FRMD3: variants seen among roughly 807,000 people sequenced by gnomAD.
FRMD3 encodes FERM domain containing 3, also known as FERM domain-containing protein 3.
In FRMD3, 33 loss-of-function variants were observed where a neutral mutation model predicts 70.2. That is an observed-to-expected ratio of 0.47 (90% CI 0.36 to 0.63). The LOEUF is 0.63. Among genes scored for constraint, FRMD3 ranks in the 20% least tolerant of loss-of-function variants. FRMD3 has a pLI of 0.00. For synonymous variants in FRMD3, 279 were observed against 255.9 expected, an observed-to-expected ratio of 1.09 and a Z score of -0.86; for missense variants, 632 against 711.4, an observed-to-expected ratio of 0.89 and a Z score of 1.27.
At chr9:83,436,458 A>ATGTGTGTGTGTGTG (rs148417744) in intron 1 of FRMD3, among the ~76,000 whole-genome samples, 4,639 of 144,584 alleles carry the variant, frequency 0.032, 97 homozygotes, top group East Asian at 0.074. Flanking sequence ...AATTAATAAG[A>ATGTGTGTGTGTGTG]TGTGTGTGTG....
chr9:83,573,844 G>A, the FRMD3 span, among the ~76,000 whole-genome samples: 1 of 151,554 alleles, frequency 6.6e-6, no homozygotes, highest in African/African-American at 2.4e-5. Context: ...TGATGAAATA[G>A]TAAAAGCGTC....
intron 5 of FRMD3, among the ~76,000 whole-genome samples, chr9:83,339,756 C>T (rs1213974851): frequency 1.3e-5 from 2 of 152,100 alleles, no homozygotes; most frequent in African/African-American, 4.8e-5. Context: ...ATCCATCTTC[C>T]CACAGGAACT....
the FRMD3 span, among the ~76,000 whole-genome samples, chr9:83,560,403 C>T: frequency 1.1e-4 from 16 of 152,288 alleles, no homozygotes; most frequent in South Asian, 4.2e-4. Context: ...CCCTTTCAGC[C>T]GGGGCCCCAG....
chr9:83,543,173 G>C (rs1205264382), upstream of FRMD3, among the ~76,000 whole-genome samples: 1 of 151,908 alleles, frequency 6.6e-6, no homozygotes, highest in Non-Finnish European at 1.5e-5. Context: ...ACCAAAGTTA[G>C]AGGTGAAAAA....
rs78898603 is a variant in FRMD3, at chr9:83,453,477, C to T, written c.148-63769G>A. Among the ~76,000 whole-genome samples the T allele has an allele frequency of 5.7e-3, 865 of 152,136 alleles. 16 individuals are homozygous for T. Among genetic ancestry groups the T allele is most frequent in the East Asian group, 0.051 (261 of 5,158 alleles). On this transcript the variant is annotated intron_variant, in intron 1 of 13. Coordinates refer to ENST00000304195, the MANE Select transcript of FRMD3 (RefSeq NM_174938.6). The stretch of plus-strand genomic sequence containing the variant: ...ATAGTTTGGATACGGGATATGTTAA[C>T]CTACTTTTTCAACTGTAAATTTTGT...
chr9:83,349,639 T>G, intron 4 of FRMD3, 40 bp downstream of exon 4: 3 of 1,433,078 alleles, frequency 2.1e-6, no homozygotes, highest in Non-Finnish European at 2.9e-6. Context: ...TTCTGGCTGG[T>G]TAAAGGTGCA....
At chr9:83,340,304 G>A (rs1823713551) in intron 5 of FRMD3, among the ~76,000 whole-genome samples, 1 of 152,180 alleles carries the variant, frequency 6.6e-6, no homozygotes, top group Non-Finnish European at 1.5e-5. Flanking sequence ...GAAGAGTGCT[G>A]TGAAAAAGCA....
In FRMD3 at chr9:83,504,061, C is replaced by A. The variant is rs183950749; in HGVS notation, c.147+34024G>T. On this transcript the variant is annotated intron_variant, in intron 1 of 13. Coordinates refer to ENST00000304195, the MANE Select transcript of FRMD3 (RefSeq NM_174938.6). ...AGTTTGGGGTGTGCACTGAGTGCTG[C>A]TGAAGCCAGATGCTACATGGCCTTC... Among the ~76,000 whole-genome samples, 25 of 152,250 alleles carry A rather than the reference C, an allele frequency of 1.6e-4. No homozygotes were observed. The South Asian group carries it at 2.5e-3, about 15-fold the overall frequency.
At chr9:83,273,154 G>T (rs370654579) in intron 13 of FRMD3, among the ~76,000 whole-genome samples, 1 of 148,964 alleles carries the variant, frequency 6.7e-6, no homozygotes, top group African/African-American at 2.5e-5. Context: ...CATTGAGAAC[G>T]GGCCATGATG....
At chr9:83,513,068 T>C (rs1209158872) in intron 1 of FRMD3, among the ~76,000 whole-genome samples, 1 of 152,074 alleles carries the variant, frequency 6.6e-6, no homozygotes, top group Non-Finnish European at 1.5e-5. Flanking sequence ...TAAGGGTGCT[T>C]AGAGAAACAT....
At chr9:83,476,328 G>A (rs960159831) in intron 1 of FRMD3, among the ~76,000 whole-genome samples, 3 of 149,824 alleles carry the variant, frequency 2.0e-5, no homozygotes, top group Non-Finnish European at 4.4e-5. Context: ...AGGTTGCAGT[G>A]AGCCAAGATC....
At chr9:83,536,146 T>A (rs1391828239) in intron 1 of FRMD3, among the ~76,000 whole-genome samples, 1 of 152,130 alleles carries the variant, frequency 6.6e-6, no homozygotes, top group Non-Finnish European at 1.5e-5. Context: ...AAATGAAACA[T>A]CATAATTTTT....
intron 2 of FRMD3, among the ~76,000 whole-genome samples, chr9:83,375,852 G>C (rs1401325249): frequency 6.6e-6 from 1 of 152,026 alleles, no homozygotes; most frequent in African/African-American, 2.4e-5. Context: ...ACCTGCACAT[G>C]TACCCCTAAC....
At chr9:83,530,190 T>A (rs765749528) in intron 1 of FRMD3, among the ~76,000 whole-genome samples, 1 of 152,180 alleles carries the variant, frequency 6.6e-6, no homozygotes, top group Non-Finnish European at 1.5e-5. Context: ...TCAGGAATGT[T>A]CATAGCAACA....
At chr9:83,528,254 T>C (rs1232041082) in intron 1 of FRMD3, among the ~76,000 whole-genome samples, 3 of 152,072 alleles carry the variant, frequency 2.0e-5, no homozygotes, top group Non-Finnish European at 2.9e-5. Flanking sequence ...CACTAGAGCC[T>C]AGCCTTGTCC....
chr9:83,261,955 T>C (rs12336597), intron 13 of FRMD3, among the ~76,000 whole-genome samples: 3,625 of 152,298 alleles, frequency 0.024, 143 homozygotes, highest in African/African-American at 0.082. Context: ...TGGAGAGGAA[T>C]ACCTGAGTTA....
intron 1 of FRMD3, among the ~76,000 whole-genome samples, chr9:83,414,523 A>G (rs1564065903): frequency 6.6e-6 from 1 of 152,222 alleles, no homozygotes; most frequent in Non-Finnish European, 1.5e-5. Context: ...TAAACAAAGA[A>G]TATCATTAAG....
intron 5 of FRMD3, among the ~76,000 whole-genome samples, chr9:83,337,183 A>T (rs1025507314): frequency 1.3e-5 from 2 of 152,124 alleles, no homozygotes; most frequent in Non-Finnish European, 2.9e-5. Flanking sequence ...TGGCCACCCC[A>T]TTCAGCATAA....
intron 1 of FRMD3, among the ~76,000 whole-genome samples, chr9:83,487,576 C>T (rs1409166433): frequency 6.6e-6 from 1 of 152,140 alleles, no homozygotes; most frequent in African/African-American, 2.4e-5. Flanking sequence ...TTTAATATAA[C>T]AAATGTTAAC....
Sources: allele counts gnomAD v4.1 joint callset (sites outside exome capture counted in the v4.1 genomes callset), GRCh38; gene constraint gnomAD v4.1.1; transcripts MANE v1.5; gene names NCBI Gene and HGNC (gene_info 2026-07-23, HGNC 2026-07-21).